KIT: variants seen among roughly 807,000 people sequenced by gnomAD.
KIT encodes KIT proto-oncogene, receptor tyrosine kinase, also known as mast/stem cell growth factor receptor Kit.
A neutral mutation model predicts 105.7 loss-of-function variants in KIT; 16 were observed. The ratio of observed to expected loss-of-function variants is 0.15; its 90% CI spans 0.10 to 0.23. The LOEUF (loss-of-function observed/expected upper bound fraction) is 0.23. Ranked by LOEUF, KIT falls within the 10% of genes least tolerant of loss-of-function variation. KIT has a pLI of 1.00. For synonymous variants in KIT, 438 were observed against 441.1 expected (o/e 0.99, Z 0.09); for missense variants, 858 against 1,213.8 (o/e 0.71, Z 4.36).
intron 7 of KIT, among the ~76,000 whole-genome samples, chr4:54,719,171 C>T (rs1721693108): frequency 6.6e-6 from 1 of 152,110 alleles, no homozygotes; most frequent in African/African-American, 2.4e-5. Context: ...AAAATATGGG[C>T]AAATGTGCAT....
At chr4:54,710,948 T>C (rs893286398) in intron 7 of KIT, among the ~76,000 whole-genome samples, 3 of 152,214 alleles carry the variant, frequency 2.0e-5, no homozygotes, top group African/African-American at 7.2e-5. Context: ...GGAGTGATCA[T>C]AGCTCACTAT....
chr4:54,659,283 C>T (rs895444600), intron 1 of KIT, among the ~76,000 whole-genome samples: 7 of 152,136 alleles, frequency 4.6e-5, no homozygotes, highest in Non-Finnish European at 7.4e-5. Context: ...GTTGCTGGAG[C>T]CCCTTGGTCA....
chr4:54,670,261 A>G (rs1007351150), intron 1 of KIT, among the ~76,000 whole-genome samples: 1 of 152,194 alleles, frequency 6.6e-6, no homozygotes, highest in Non-Finnish European at 1.5e-5. Context: ...TATCTCTCCA[A>G]GGACTGGAGA....
chr4:54,672,491 T>C (rs1718182148), intron 1 of KIT, among the ~76,000 whole-genome samples: 1 of 152,164 alleles, frequency 6.6e-6, no homozygotes, highest in Non-Finnish European at 1.5e-5. Flanking sequence ...GTGGGGGCTA[T>C]TTTCCATTGT....
chr4:54,696,283 GA>G (rs1465316771), intron 2 of KIT, among the ~76,000 whole-genome samples: 1 of 152,044 alleles, frequency 6.6e-6, no homozygotes, highest in South Asian at 2.1e-4. Context: ...GTTGTCCATA[GA>G]AAAAAATGTG....
At chr4:54,680,055 G>A (rs1412247442) in intron 1 of KIT, among the ~76,000 whole-genome samples, 1 of 152,172 alleles carries the variant, frequency 6.6e-6, no homozygotes, top group African/African-American at 2.4e-5. Flanking sequence ...TGTTTGGGAT[G>A]ATGAAAAAGT....
intron 8 of KIT, among the ~76,000 whole-genome samples, chr4:54,725,614 G>A (rs1047624330): frequency 2.6e-5 from 4 of 151,982 alleles, no homozygotes; most frequent in Non-Finnish European, 5.9e-5. Flanking sequence ...TGTTGGTGGG[G>A]GTTAAAAACT....
chr4:54,694,646 C>T (rs1719932609), intron 1 of KIT, among the ~76,000 whole-genome samples: 1 of 152,206 alleles, frequency 6.6e-6, no homozygotes, highest in African/African-American at 2.4e-5. Flanking sequence ...TCCCAGAGTG[C>T]TGGGATTACA....
rs55717477 is a variant in KIT at position 54,731,917 on chromosome 4, C to G, written c.2280C>G (p.Asp760Glu). The G allele has an allele frequency of 6.2e-7, 1 of 1,613,522 alleles. No homozygotes were observed. Among genetic ancestry groups the G allele is most frequent in the South Asian group, 1.1e-5 (1 of 91,068 alleles). Residue 760 changes from aspartate (D) to glutamate (E), a missense_variant, in exon 16 of 21, where the codon GAC (aspartate) becomes GAG (glutamate). Around this residue, in one of 7 missense-constraint regions of KIT, gnomAD observed 158 missense variants for 218.7 expected, o/e 0.72. Coordinates refer to ENST00000288135, the MANE Select transcript of KIT (RefSeq NM_000222.3). ...RDVTPAIMED[D>E]ELALDLEDLL... ...TGACTCCCGCCATCATGGAGGATGACGAGTTGGCCCTAGACTTAGAAGACT... is the reference window on the plus strand; with the variant it reads ...TGACTCCCGCCATCATGGAGGATGAGGAGTTGGCCCTAGACTTAGAAGACT...
intron 1 of KIT, among the ~76,000 whole-genome samples, chr4:54,684,190 G>A (rs547866384): frequency 7.2e-5 from 11 of 151,898 alleles, no homozygotes; most frequent in East Asian, 5.9e-4. Flanking sequence ...GTGGGGTGGG[G>A]TGGGGTGGTG....
chr4:54,731,443 C>T (rs1722592737), intron 15 of KIT, 24 bp downstream of exon 15: 7 of 1,442,934 alleles, frequency 4.9e-6, no homozygotes, highest in Non-Finnish European at 6.8e-6. Flanking sequence ...TATCAAGCAA[C>T]CAAGAGTAAC....
chr4:54,714,918 G>C (rs1721374366), intron 7 of KIT, among the ~76,000 whole-genome samples: 1 of 152,124 alleles, frequency 6.6e-6, no homozygotes, highest in Non-Finnish European at 1.5e-5. Flanking sequence ...CTTTAATGTT[G>C]AGCTAGATTG....
rs527924247 is a variant in KIT at position 54,714,802 on chromosome 4, T to C, written c.1231+5263T>C. ...GAAAGCTTATCCTTTAATGACGAGCTTCAGCCAGTGCGGTGGGAGTACTGT... is the reference window on the plus strand; with the variant it reads ...GAAAGCTTATCCTTTAATGACGAGCCTCAGCCAGTGCGGTGGGAGTACTGT... On this transcript the variant is annotated intron_variant, in intron 7 of 20. Coordinates refer to ENST00000288135, the MANE Select transcript of KIT (RefSeq NM_000222.3). 8.5e-4 allele frequency among the ~76,000 whole-genome samples: 129 copies of C among 152,320 alleles called. 1 individual carries two copies. Among genetic ancestry groups the C allele is most frequent in the South Asian group, 4.3e-3 (21 of 4,830 alleles).
At chr4:54,700,428 AC>A (rs1259512434) in intron 4 of KIT, among the ~76,000 whole-genome samples, 1 of 152,222 alleles carries the variant, frequency 6.6e-6, no homozygotes, top group African/African-American at 2.4e-5. Context: ...TACCTCAGAT[AC>A]TGGGTTAGGC....
chr4:54,722,865 G>A (rs982244902), intron 7 of KIT, among the ~76,000 whole-genome samples: 11 of 100,464 alleles, frequency 1.1e-4, no homozygotes, highest in African/African-American at 7.8e-4. Context: ...TTATATATAT[G>A]TATATATATT....
At chr4:54,680,515 C>T (rs965420828) in intron 1 of KIT, among the ~76,000 whole-genome samples, 3 of 151,718 alleles carry the variant, frequency 2.0e-5, no homozygotes, top group Non-Finnish European at 4.4e-5. Flanking sequence ...CCTCAGCCTG[C>T]CGAGTAGCTG....
At chr4:54,724,891 A>G (rs984603427) in intron 8 of KIT, among the ~76,000 whole-genome samples, 1 of 152,216 alleles carries the variant, frequency 6.6e-6, no homozygotes, top group Non-Finnish European at 1.5e-5. Flanking sequence ...GTAGAAACAC[A>G]TAATAGATGG....
intron 7 of KIT, among the ~76,000 whole-genome samples, chr4:54,722,396 T>C (rs1271268056): frequency 6.6e-6 from 1 of 152,224 alleles, no homozygotes; most frequent in Non-Finnish European, 1.5e-5. Flanking sequence ...GGCACAGTTA[T>C]TATTCCCATT....
chr4:54,738,311 C>A, intron 20 of KIT, 118 bp from the exon 21 acceptor site: 1 of 1,274,240 alleles, frequency 7.8e-7, no homozygotes, highest in Non-Finnish European at 1.1e-6. Flanking sequence ...TTCTTGGAAA[C>A]CACTTCTCTC....
Sources: gnomAD v4.1 joint callset for allele counts (sites outside exome capture counted in the v4.1 genomes callset) on GRCh38, gnomAD v4.1.1 for gene constraint, gnomAD v4.1.1 regional missense constraint, MANE v1.5 for transcripts, NCBI Gene and HGNC (gene_info 2026-07-23, HGNC 2026-07-21) for gene names.